EIF2A: variants seen among roughly 807,000 people sequenced by gnomAD.
EIF2A encodes eukaryotic translation initiation factor 2A, also known as 65 kDa eukaryotic translation initiation factor 2A.
EIF2A carries 62 observed loss-of-function variants against 75.2 expected under a neutral mutation model. That is an observed-to-expected ratio of 0.82 (90% CI 0.67 to 1.02). EIF2A has a LOEUF of 1.02. Ranked by LOEUF, EIF2A falls within the 50% of genes least tolerant of loss-of-function variation. The pLI is 0.00. For synonymous variants in EIF2A, 207 were observed against 239.0 expected, an observed-to-expected ratio of 0.87 and a Z score of 1.23; for missense variants, 611 against 677.7, an observed-to-expected ratio of 0.90 and a Z score of 1.09.
intron 2 of EIF2A, among the ~76,000 whole-genome samples, chr3:150,555,167 G>A (rs1252512441): frequency 6.6e-6 from 1 of 151,952 alleles, no homozygotes; most frequent in Non-Finnish European, 1.5e-5. Context: ...GGGCTCAAGA[G>A]ATCCAACCGC....
At chr3:150,573,911 T>C (rs1724694278) in intron 10 of EIF2A, among the ~76,000 whole-genome samples, 1 of 152,110 alleles carries the variant, frequency 6.6e-6, no homozygotes, top group African/African-American at 2.4e-5. Context: ...ACCTTCACCT[T>C]TTAAAATGCG....
intron 6 of EIF2A, chr3:150,565,675 C>T (rs898035363): frequency 2.6e-5 from 4 of 155,668 alleles, no homozygotes; most frequent in Non-Finnish European, 5.7e-5. Flanking sequence ...TCTCCTGCCT[C>T]AGCCTCCCAA....
intron 2 of EIF2A, among the ~76,000 whole-genome samples, chr3:150,553,544 G>T (rs1723424319): frequency 6.6e-6 from 1 of 151,938 alleles, no homozygotes; most frequent in South Asian, 2.1e-4. Context: ...AAGTAGGTGG[G>T]ATTACAGGTG....
At chr3:150,561,109 A>G (rs192705728) in intron 3 of EIF2A, among the ~76,000 whole-genome samples, 137 of 152,212 alleles carry the variant, frequency 9.0e-4, no homozygotes, top group African/African-American at 3.2e-3. Context: ...CCTAGCTGCT[A>G]TAGCTTCTAT....
At chr3:150,558,518 C>T (rs2107915327) in intron 3 of EIF2A, 56 bp downstream of exon 3, 1 of 1,349,086 alleles carries the variant, frequency 7.4e-7, no homozygotes, top group East Asian at 3.0e-5. Flanking sequence ...ACACAACTGG[C>T]ATTATTTGAA....
chr3:150,579,562 A>C (rs1725054523), intron 11 of EIF2A, among the ~76,000 whole-genome samples: 1 of 152,148 alleles, frequency 6.6e-6, no homozygotes, highest in South Asian at 2.1e-4. Context: ...ATACAAAATT[A>C]GCTGGGTGTG....
intron 12 of EIF2A, among the ~76,000 whole-genome samples, chr3:150,582,551 T>C (rs1221103180): frequency 6.6e-6 from 1 of 152,088 alleles, no homozygotes; most frequent in African/African-American, 2.4e-5. Context: ...CCTGACCTCA[T>C]GATCTGCCTG....
At chr3:150,583,023 A>T in intron 12 of EIF2A, 177 bp from the exon 13 acceptor site, 2 of 584,844 alleles carry the variant, frequency 3.4e-6, no homozygotes, top group South Asian at 5.1e-5. Flanking sequence ...TGTTTTTAAC[A>T]TTTACAATTT....
At chr3:150,553,620 A>G (rs1228973406) in intron 2 of EIF2A, among the ~76,000 whole-genome samples, 1 of 152,118 alleles carries the variant, frequency 6.6e-6, no homozygotes, top group African/African-American at 2.4e-5. Flanking sequence ...CGTGTTGGCC[A>G]GGCTAGTCTC....
intron 10 of EIF2A, among the ~76,000 whole-genome samples, chr3:150,572,933 G>A (rs956708251): frequency 3.3e-5 from 5 of 150,956 alleles, no homozygotes; most frequent in Admixed American, 6.6e-5. Flanking sequence ...AATTTCCATC[G>A]AAATGTTCTA....
intron 6 of EIF2A, chr3:150,564,995 C>T (rs774623063): frequency 1.4e-5 from 4 of 283,702 alleles, no homozygotes; most frequent in African/African-American, 8.9e-5. Context: ...AGGTACTGCA[C>T]ATTGTGGTTG....
Position 150,562,522 on chromosome 3 carries a change from A to AT in EIF2A, c.174-19dup. ...TATAAAACAGTATTTCATTGCTGAA[A>AT]TAATTTCTTTTGAAACCAGAGTAAA... On this transcript the variant is annotated intron_variant, in intron 3 of 13. Coordinates refer to ENST00000460851, the MANE Select transcript of EIF2A (RefSeq NM_032025.5). 6.3e-7 allele frequency: 1 copy of AT among 1,578,044 alleles called. No homozygotes were observed. The highest frequency in any genetic ancestry group is 8.7e-7 in the Non-Finnish European group (1 of 1,152,626).
Position 150,584,462 on chromosome 3 carries a change from T to C in EIF2A, c.*551T>C, listed in dbSNP as rs1439986532. ...GCCTATGCTTTAGGTCACTATGATATATACTACTCCTGTATCCTCAAGTAA... is the reference window on the plus strand; with the variant it reads ...GCCTATGCTTTAGGTCACTATGATACATACTACTCCTGTATCCTCAAGTAA... On this transcript the variant is annotated 3_prime_UTR_variant, in exon 14 of 14. Coordinates refer to ENST00000460851, the MANE Select transcript of EIF2A (RefSeq NM_032025.5). Among the ~76,000 whole-genome samples the C allele has an allele frequency of 6.6e-6, 1 of 152,226 alleles. No homozygotes were observed. The highest frequency in any genetic ancestry group is 1.5e-5 in the Non-Finnish European group (1 of 68,046).
intron 2 of EIF2A, among the ~76,000 whole-genome samples, chr3:150,553,621 G>A (rs1176969118): frequency 6.6e-6 from 1 of 151,852 alleles, no homozygotes; most frequent in African/African-American, 2.4e-5. Flanking sequence ...GTGTTGGCCA[G>A]GCTAGTCTCA....
Position 150,575,751 on chromosome 3 carries a change from G to T in EIF2A, c.1486G>T (p.Ala496Ser), listed in dbSNP as rs954701933. ...TCAAAGGAAGCATGAAGCTAAGAAAGCTGCAAAGCAGGTATTTGGGGCACT... is the reference window on the plus strand; with the variant it reads ...TCAAAGGAAGCATGAAGCTAAGAAATCTGCAAAGCAGGTATTTGGGGCACT... ...KNQRKHEAKK[A>S]AKQEARSDKS... The change falls in exon 11 of 14, where the codon GCT becomes TCT. Residue 496 changes from alanine (A) to serine (S), a missense_variant. Transcript: ENST00000460851. 1.2e-6 allele frequency: 2 copies of T among 1,609,876 alleles called. No homozygotes were observed. The highest frequency in any genetic ancestry group is 1.7e-6 in the Non-Finnish European group (2 of 1,178,300).
Position 150,562,539 on chromosome 3 carries a change from C to A in EIF2A, c.174-3C>A, listed in dbSNP as rs755219760. 2 of 1,605,332 alleles carry A rather than the reference C, an allele frequency of 1.2e-6. No homozygotes were observed. Among genetic ancestry groups the A allele is most frequent in the South Asian group, 2.2e-5 (2 of 90,186 alleles). The stretch of plus-strand genomic sequence containing the variant: ...TTGCTGAAATAATTTCTTTTGAAAC[C>A]AGAGTAAATATTATCAGTGTCACTA... On this transcript the variant is annotated splice_region_variant and splice_polypyrimidine_tract_variant and intron_variant, in intron 3 of 13. Coordinates refer to ENST00000460851, the MANE Select transcript of EIF2A (RefSeq NM_032025.5).
rs1723368037 is a variant in EIF2A at position 150,552,559 on chromosome 3, G to A, written c.98+134G>A. On this transcript the variant is annotated intron_variant, in intron 2 of 13. Transcript: ENST00000460851. The stretch of plus-strand genomic sequence containing the variant: ...TTTTTATTGTATAATATTTACCGAA[G>A]ATGAAAAGAATACATATTCTCTATC... The A allele has an allele frequency of 4.4e-6, 3 of 679,960 alleles. No homozygotes were observed. The East Asian group carries it at 8.8e-5, about 20-fold the overall frequency. 42.1% of individuals were successfully genotyped at this position (679,960 alleles called of 1,614,324 possible).
Position 150,560,266 on chromosome 3 carries a change from C to T in EIF2A, c.173+1804C>T, listed in dbSNP as rs1021902542. Reference sequence around the variant, plus strand: ...TTCTAGCATTTATTTCATTAAAGTGCTGTGACCACAATGGTACTTATTGTT... The same window carrying T: ...TTCTAGCATTTATTTCATTAAAGTGTTGTGACCACAATGGTACTTATTGTT... On this transcript the variant is annotated intron_variant, in intron 3 of 13. Coordinates refer to ENST00000460851, the MANE Select transcript of EIF2A (RefSeq NM_032025.5). Among the ~76,000 whole-genome samples, 11 of 152,136 alleles carry T rather than the reference C, an allele frequency of 7.2e-5. No homozygotes were observed. The East Asian group carries it at 1.3e-3, about 19-fold the overall frequency.
At chr3:150,559,336 T>A (rs1402084420) in intron 3 of EIF2A, among the ~76,000 whole-genome samples, 1 of 151,884 alleles carries the variant, frequency 6.6e-6, no homozygotes, top group Non-Finnish European at 1.5e-5. Context: ...CTTTTATAAT[T>A]AAAAAAAATT....
Sources: gnomAD v4.1 joint callset for allele counts (sites outside exome capture counted in the v4.1 genomes callset) on GRCh38, gnomAD v4.1.1 for gene constraint, MANE v1.5 for transcripts, NCBI Gene and HGNC (gene_info 2026-07-23, HGNC 2026-07-21) for gene names.